Variants in VWA3B observed in about 807,000 individuals in gnomAD.
VWA3B encodes the protein von Willebrand factor A domain-containing protein 3B.
A neutral mutation model predicts 158.3 loss-of-function variants in VWA3B; 138 were observed. That is an observed-to-expected ratio of 0.87 (90% CI 0.76 to 1.00). The LOEUF is 1.00. VWA3B is among the 50% of genes least tolerant of loss of function. VWA3B has a pLI of 0.00. For synonymous variants in VWA3B, 596 were observed against 587.3 expected, an observed-to-expected ratio of 1.01 and a Z score of -0.21; for missense variants, 1,555 against 1,565.1, an observed-to-expected ratio of 0.99 and a Z score of 0.11.
downstream of VWA3B, among the ~76,000 whole-genome samples, chr2:98,316,183 C>T (rs1178267421): frequency 6.6e-6 from 1 of 152,114 alleles, no homozygotes; most frequent in African/African-American, 2.4e-5. Flanking sequence ...CATGCCCAAC[C>T]CTATAAGCAT....
intron 7 of VWA3B, among the ~76,000 whole-genome samples, chr2:98,158,610 G>A (rs966007217): frequency 2.6e-5 from 4 of 152,260 alleles, no homozygotes; most frequent in South Asian, 4.2e-4. Flanking sequence ...CTAATGGTGC[G>A]GCCCGAGCGT....
At chr2:98,119,409 A>G (rs1674781128) in intron 3 of VWA3B, 104 bp from the exon 4 acceptor site, 4 of 1,322,558 alleles carry the variant, frequency 3.0e-6, no homozygotes, top group Non-Finnish European at 4.1e-6. Context: ...TTGGAGGGTC[A>G]TTGACAACAC....
chr2:98,137,037 A>G (rs1676339718), intron 7 of VWA3B, among the ~76,000 whole-genome samples: 1 of 152,152 alleles, frequency 6.6e-6, no homozygotes, highest in South Asian at 2.1e-4. Context: ...CATCTTGTTT[A>G]CTGATTCATC....
intron 22 of VWA3B, among the ~76,000 whole-genome samples, chr2:98,284,468 T>G (rs1689053444): frequency 1.3e-5 from 2 of 152,230 alleles, no homozygotes; most frequent in African/African-American, 4.8e-5. Flanking sequence ...GCAAATGATG[T>G]GCAGACTGCC....
chr2:98,315,450 A>G (rs1691067149), downstream of VWA3B, among the ~76,000 whole-genome samples: 2 of 152,240 alleles, frequency 1.3e-5, no homozygotes, highest in African/African-American at 4.8e-5. Context: ...AACCAGATGT[A>G]AACTATGTGG....
At chr2:98,230,658 A>G (rs1460014311) in intron 16 of VWA3B, among the ~76,000 whole-genome samples, 1 of 152,012 alleles carries the variant, frequency 6.6e-6, no homozygotes, top group African/African-American at 2.4e-5. Context: ...TTTTATAACC[A>G]CACCCACCTC....
At chr2:98,198,346 CT>C (rs1032497920) in intron 12 of VWA3B, among the ~76,000 whole-genome samples, 3 of 151,476 alleles carry the variant, frequency 2.0e-5, no homozygotes, top group African/African-American at 7.3e-5. Context: ...TTGTATACAG[CT>C]TTTTTTTTCT....
chr2:98,117,141 G>A (rs1674596215), intron 3 of VWA3B, among the ~76,000 whole-genome samples: 1 of 152,154 alleles, frequency 6.6e-6, no homozygotes, highest in Non-Finnish European at 1.5e-5. Context: ...AACCACTGCT[G>A]AGGAGCTAGT....
At chr2:98,275,584 CA>C (rs1688473598) in intron 22 of VWA3B, among the ~76,000 whole-genome samples, 1 of 152,192 alleles carries the variant, frequency 6.6e-6, no homozygotes. Context: ...ATAAAAAAAT[CA>C]AAGCACTGGA....
chr2:98,095,835 T>C (rs1452497789), intron 2 of VWA3B, among the ~76,000 whole-genome samples: 1 of 152,228 alleles, frequency 6.6e-6, no homozygotes, highest in Non-Finnish European at 1.5e-5. Flanking sequence ...TGAAGAGATA[T>C]TGAGTTTTGT....
At chr2:98,140,225 A>C (rs1324143579) in intron 7 of VWA3B, among the ~76,000 whole-genome samples, 1 of 152,240 alleles carries the variant, frequency 6.6e-6, no homozygotes, top group Non-Finnish European at 1.5e-5. Flanking sequence ...AGTGAGACCA[A>C]GAACCCACCA....
chr2:98,273,434 C>T (rs1181061140), intron 22 of VWA3B, among the ~76,000 whole-genome samples: 1 of 152,192 alleles, frequency 6.6e-6, no homozygotes, highest in African/African-American at 2.4e-5. Context: ...AAATGACTTC[C>T]TCAAAGAATT....
intron 22 of VWA3B, among the ~76,000 whole-genome samples, chr2:98,289,603 G>A (rs1689370325): frequency 6.6e-6 from 1 of 152,184 alleles, no homozygotes; most frequent in African/African-American, 2.4e-5. Flanking sequence ...TTGTGAGACA[G>A]CGATCATAAA....
chr2:98,215,873 G>A (rs531523254), intron 13 of VWA3B, among the ~76,000 whole-genome samples: 14 of 149,186 alleles, frequency 9.4e-5, no homozygotes, highest in South Asian at 2.1e-4. Flanking sequence ...CTGCCCTTTC[G>A]ACACACGTGG....
intron 8 of VWA3B, among the ~76,000 whole-genome samples, chr2:98,163,364 C>A (rs1365306015): frequency 6.6e-6 from 1 of 152,078 alleles, no homozygotes; most frequent in Admixed American, 6.5e-5. Flanking sequence ...ATGGTGAAAC[C>A]CCGTCTCTAC....
chr2:98,232,929 G>A (rs1003786471), intron 16 of VWA3B, among the ~76,000 whole-genome samples: 1 of 152,106 alleles, frequency 6.6e-6, no homozygotes, highest in Non-Finnish European at 1.5e-5. Flanking sequence ...TCCCCACATT[G>A]CTGGCAGGGA....
downstream of VWA3B, among the ~76,000 whole-genome samples, chr2:98,317,662 C>T (rs1691116709): frequency 6.6e-6 from 1 of 152,074 alleles, no homozygotes; most frequent in South Asian, 2.1e-4. Context: ...CCTGGTAGCC[C>T]CCACTTTGAA....
At position 98,311,858 on chromosome 2, in the gene VWA3B, G is replaced by T; in HGVS notation, c.3561G>T (p.Trp1187Cys). The T allele has an allele frequency of 5.0e-6, 8 of 1,611,946 alleles. No homozygotes were observed. The highest frequency in any genetic ancestry group is 6.8e-6 in the Non-Finnish European group (8 of 1,179,182). Residue 1187 changes from tryptophan to cysteine, a missense_variant, in exon 27 of 28, where the codon TGG (tryptophan) becomes TGT (cysteine). Coordinates refer to ENST00000477737, the MANE Select transcript of VWA3B (RefSeq NM_144992.5). ...CGAGGAACTCTGCTTTCCTCTTCTGGCCACTGAAAGAAGCGGACACGCAGG... is the reference window on the plus strand; with the variant it reads ...CGAGGAACTCTGCTTTCCTCTTCTGTCCACTGAAAGAAGCGGACACGCAGG... ...VEARNSAFLF[W>C]PLKEADTQDS...
chr2:98,163,477 A>C (rs4851868), intron 8 of VWA3B, among the ~76,000 whole-genome samples: 4 of 151,950 alleles, frequency 2.6e-5, no homozygotes, highest in African/African-American at 4.8e-5. Context: ...GGCAGAGATC[A>C]CAGTGAGCCG....
Sources: gnomAD v4.1 joint callset for allele counts (sites outside exome capture counted in the v4.1 genomes callset) on GRCh38, gnomAD v4.1.1 for gene constraint, MANE v1.5 for transcripts, NCBI Gene and HGNC (gene_info 2026-07-23, HGNC 2026-07-21) for gene names.